Variants in MGST3 observed in about 807,000 individuals in gnomAD.
The protein encoded by MGST3 is microsomal glutathione S-transferase 3, also known as glutathione S-transferase 3, mitochondrial.
MGST3 carries 13 observed loss-of-function variants against 15.8 expected under a neutral mutation model. That is an observed-to-expected ratio of 0.82 (90% CI 0.54 to 1.31). The LOEUF is 1.31. Among genes scored for constraint, MGST3 ranks in the 50% most tolerant of loss-of-function variants. The probability of loss-of-function intolerance (pLI) is 0.00; values close to 1 mark genes in which losing one functional copy is unlikely to be tolerated. For synonymous variants in MGST3, 49 were observed against 68.1 expected (o/e 0.72, Z 1.38); for missense variants, 155 against 192.4 (o/e 0.81, Z 1.15).
intron 1 of MGST3, among the ~76,000 whole-genome samples, chr1:165,640,086 G>A (rs997573711): frequency 2.0e-5 from 3 of 152,178 alleles, no homozygotes; most frequent in Admixed American, 2.0e-4. Flanking sequence ...GAAGGATGGA[G>A]AACCTAGAAC....
rs1408636835 is a variant in MGST3, at chr1:165,651,034, G to A, written c.138G>A (p.Thr46=). ...YKVEYPIMYS[T]DPENGHIFNC... ...GACAGTATCCTATCATGTACAGCAC[G>A]GACCCTGAAAATGGGCACATCTTCA... The change falls in exon 3 of 6, where the codon ACG becomes ACA. Residue 46 remains threonine, a synonymous_variant. Transcript: ENST00000367889. 17 of 1,614,128 alleles carry A rather than the reference G, an allele frequency of 1.1e-5. No homozygotes were observed. The highest frequency in any genetic ancestry group is 2.2e-5 in the East Asian group (1 of 44,886).
Position 165,655,667 on chromosome 1 carries a change from C to CA in MGST3, c.*164dup, listed in dbSNP as rs1648689988. 2 of 832,616 alleles carry CA rather than the reference C, an allele frequency of 2.4e-6. No homozygotes were observed. Among genetic ancestry groups the CA allele is most frequent in the Non-Finnish European group, 3.8e-6 (2 of 533,222 alleles). 51.6% of individuals were successfully genotyped at this position (832,616 alleles called of 1,614,324 possible). ...TTCCGTTTGAGTCTGTATCTGAAAT[C>CA]AGTAGCCTAGTCCTACTAGATGAGA... On this transcript the variant is annotated 3_prime_UTR_variant, in exon 6 of 6. Coordinates refer to ENST00000367889, the MANE Select transcript of MGST3 (RefSeq NM_004528.4).
chr1:165,651,330 C>T, intron 3 of MGST3: 1 of 555,092 alleles, frequency 1.8e-6, no homozygotes, highest in Non-Finnish European at 3.3e-6. Flanking sequence ...GGTTGCATTA[C>T]CTACTACAGT....
At chr1:165,632,051 C>G (rs1341325142) in intron 1 of MGST3, 1 of 586,448 alleles carries the variant, frequency 1.7e-6, no homozygotes, top group Non-Finnish European at 3.1e-6. Flanking sequence ...GCTGGAGACT[C>G]CTTAGTGAGT....
chr1:165,635,691 A>T (rs994548641), intron 1 of MGST3: 1 of 152,236 alleles, frequency 6.6e-6, no homozygotes, highest in East Asian at 1.9e-4. Flanking sequence ...TATACAGTTG[A>T]ATATATTTGG....
chr1:165,654,307 G>C lies in MGST3; in HGVS notation c.278G>C (p.Trp93Ser). 6.2e-7 allele frequency: 1 copy of C among 1,614,112 alleles called. No homozygotes were observed. Among genetic ancestry groups the C allele is most frequent in the Admixed American group, 1.7e-5 (1 of 60,010 alleles). The part of the protein sequence containing the change: ...PRIASGLGLA[W>S]IVGRVLYAYG... The stretch of plus-strand genomic sequence containing the variant: ...ATAGCTTCTGGCCTGGGCTTGGCCT[G>C]GATTGTTGGACGAGTTCTTTATGCT... Residue 93 changes from tryptophan to serine, a missense_variant, in exon 5 of 6, where the codon TGG becomes TCG. Trp to Ser is a radical substitution (Grantham distance 177). Transcript: ENST00000367889.
intron 1 of MGST3, chr1:165,645,903 G>A (rs1197949034): frequency 6.6e-6 from 1 of 151,928 alleles, no homozygotes; most frequent in Admixed American, 6.6e-5. Flanking sequence ...ATATAACCAA[G>A]TGAATTGCAA....
intron 4 of MGST3, 109 bp from the exon 5 acceptor site, chr1:165,654,170 T>C: frequency 9.4e-7 from 1 of 1,065,454 alleles, no homozygotes; most frequent in East Asian, 2.4e-5. Flanking sequence ...GTTGGCCAAA[T>C]CATCAAATTG....
At chr1:165,637,958 A>G (rs1648153993) in intron 1 of MGST3, among the ~76,000 whole-genome samples, 1 of 152,164 alleles carries the variant, frequency 6.6e-6, no homozygotes, top group African/African-American at 2.4e-5. Context: ...CACGGACGTC[A>G]GAGCCCTGCT....
At chr1:165,650,346 T>C in intron 2 of MGST3, 1 of 309,468 alleles carries the variant, frequency 3.2e-6, no homozygotes, top group Non-Finnish European at 6.2e-6. Context: ...TTTCCTGTTT[T>C]CCAAGTAGAA....
intron 1 of MGST3, chr1:165,635,612 C>G (rs1648088947): frequency 6.6e-6 from 1 of 152,152 alleles, no homozygotes; most frequent in Non-Finnish European, 1.5e-5. Context: ...AACAGTTTAC[C>G]AAAGTGTTGG....
chr1:165,641,056 A>G (rs1167736027), intron 1 of MGST3, among the ~76,000 whole-genome samples: 1 of 152,106 alleles, frequency 6.6e-6, no homozygotes, highest in Non-Finnish European at 1.5e-5. Context: ...GATGGTGGGC[A>G]CCTATAATCC....
At chr1:165,637,741 AT>A (rs1453859165) in intron 1 of MGST3, among the ~76,000 whole-genome samples, 2 of 152,220 alleles carry the variant, frequency 1.3e-5, no homozygotes, top group African/African-American at 4.8e-5. Flanking sequence ...CCTTAGCCAG[AT>A]GTCATAATGA....
chr1:165,650,783 A>G (rs1648530520), intron 2 of MGST3: 1 of 537,748 alleles, frequency 1.9e-6, no homozygotes. Context: ...CCCTTGTGCA[A>G]CTACAGCGCA....
chr1:165,642,232 C>A (rs776971468), intron 1 of MGST3, among the ~76,000 whole-genome samples: 33 of 152,204 alleles, frequency 2.2e-4, no homozygotes, highest in Non-Finnish European at 5.9e-5. Context: ...CCAGCACTAG[C>A]CCAGTGAGTG....
intron 1 of MGST3, among the ~76,000 whole-genome samples, chr1:165,633,702 A>G (rs1167869681): frequency 6.6e-6 from 1 of 152,000 alleles, no homozygotes; most frequent in African/African-American, 2.4e-5. Context: ...CAAATTAACT[A>G]CAGTCTGCCT....
intron 1 of MGST3, among the ~76,000 whole-genome samples, chr1:165,641,536 G>A (rs1288365805): frequency 1.3e-5 from 2 of 152,168 alleles, no homozygotes; most frequent in African/African-American, 4.8e-5. Flanking sequence ...CCTCATTTAG[G>A]AACTGTTGCA....
intron 1 of MGST3, among the ~76,000 whole-genome samples, chr1:165,634,810 C>T (rs1648066804): frequency 8.6e-6 from 1 of 115,978 alleles, no homozygotes; most frequent in African/African-American, 3.3e-5. Flanking sequence ...CCACTCTCAA[C>T]TGTGTATTCT....
In MGST3 at chr1:165,655,531, A is replaced by G. The variant is rs1381141854; in HGVS notation, c.*27A>G. The G allele has an allele frequency of 6.2e-7, 1 of 1,613,750 alleles. No individual in the cohort carries two copies. Among genetic ancestry groups the G allele is most frequent in the Non-Finnish European group, 8.5e-7 (1 of 1,179,800 alleles). On this transcript the variant is annotated 3_prime_UTR_variant, in exon 6 of 6. Coordinates refer to ENST00000367889, the MANE Select transcript of MGST3 (RefSeq NM_004528.4). ...GAATTATAGGGGTTTAAAAACTCTC[A>G]TTCATTTTAAATGACTTACCTTTAT...
Sources: gnomAD v4.1 joint callset for allele counts (sites outside exome capture counted in the v4.1 genomes callset) on GRCh38, gnomAD v4.1.1 for gene constraint, MANE v1.5 for transcripts, NCBI Gene and HGNC (gene_info 2026-07-23, HGNC 2026-07-21) for gene names.